DYRK1A: variants seen among roughly 807,000 people sequenced by gnomAD.
DYRK1A encodes dual specificity tyrosine phosphorylation regulated kinase 1A.
Under a neutral mutation model 79.7 loss-of-function variants are expected in DYRK1A, and 9 were observed. The ratio of observed to expected loss-of-function variants is 0.11; its 90% CI spans 0.07 to 0.20. The LOEUF (loss-of-function observed/expected upper bound fraction) is 0.20, where lower values mean the gene tolerates loss of function less well. Ranked by LOEUF, DYRK1A falls within the 10% of genes least tolerant of loss-of-function variation. DYRK1A has a pLI of 1.00. For synonymous variants in DYRK1A, 349 were observed against 329.7 expected (o/e 1.06, Z -0.63); for missense variants, 622 against 956.0 (o/e 0.65, Z 4.61).
At chr21:37,403,009 C>T (rs1055224387) in intron 1 of DYRK1A, among the ~76,000 whole-genome samples, 8 of 151,878 alleles carry the variant, frequency 5.3e-5, no homozygotes, top group African/African-American at 1.7e-4. Context: ...GGTGATCTGC[C>T]CCCCCTCAGC....
intron 11 of DYRK1A, 43 bp from the exon 12 acceptor site, chr21:37,511,868 A>T: frequency 6.3e-7 from 1 of 1,584,466 alleles, no homozygotes; most frequent in Non-Finnish European, 8.6e-7. Flanking sequence ...TAAAGCTTGG[A>T]AACAGTCCTC....
intron 3 of DYRK1A, 67 bp from the exon 4 acceptor site, chr21:37,478,141 A>G (rs1244576221): frequency 6.2e-7 from 1 of 1,602,204 alleles, no homozygotes. Flanking sequence ...GGGAATTTAT[A>G]TCTTATAGTT....
chr21:37,524,142 A>G lies in DYRK1A; in HGVS notation c.*11611A>G, dbSNP rs572730413. ...CATGGTAGCTGTCCTAAGGAACACA[A>G]TACAACCAGGTGCAGTGGCTCATGC... On this transcript the variant is annotated 3_prime_UTR_variant, in exon 12 of 12. Transcript: ENST00000647188. 1.4e-4 allele frequency: 22 copies of G among 152,232 alleles called. No individual in the cohort carries two copies. The highest frequency in any genetic ancestry group is 3.4e-4 in the African/African-American group (14 of 41,466). 9.4% of individuals were successfully genotyped at this position (152,232 alleles called of 1,614,324 possible). A position where few individuals can be genotyped will look rare whatever the true frequency, so the allele number is the denominator to read the frequency against.
chr21:37,504,932 G>A lies in DYRK1A; in HGVS notation c.1213-351G>A, dbSNP rs372351405. ...GAGAGAAAATGCTTTTAGCCTTGTG[G>A]ACCTCTGTTGCATATTTTTTGTTTT... On this transcript the variant is annotated intron_variant, in intron 9 of 11. Transcript: ENST00000647188. 6 of 196,380 alleles carry A rather than the reference G, an allele frequency of 3.1e-5. No individual in the cohort carries two copies. The South Asian group carries it at 6.4e-4, about 21-fold the overall frequency. 12.2% of individuals were successfully genotyped at this position (196,380 alleles called of 1,614,324 possible).
intron 2 of DYRK1A, among the ~76,000 whole-genome samples, chr21:37,430,884 C>T (rs909158271): frequency 2.0e-5 from 3 of 152,138 alleles, no homozygotes; most frequent in Admixed American, 6.5e-5. Flanking sequence ...GCTGATCATG[C>T]GGCAGATAGT....
chr21:37,476,798 A>G (rs1420151926), intron 3 of DYRK1A, among the ~76,000 whole-genome samples: 3 of 144,936 alleles, frequency 2.1e-5, no homozygotes, highest in Non-Finnish European at 3.0e-5. Flanking sequence ...TGTCAGACAA[A>G]TAGTATAATC....
intron 1 of DYRK1A, 178 bp from the exon 2 acceptor site, chr21:37,420,121 G>A (rs918606584): frequency 3.3e-5 from 10 of 299,510 alleles, no homozygotes; most frequent in African/African-American, 2.0e-4. Context: ...ATATATAGTT[G>A]ATTTTGATTA....
intron 2 of DYRK1A, among the ~76,000 whole-genome samples, chr21:37,457,021 C>G (rs1441236284): frequency 1.2e-5 from 1 of 85,338 alleles, no homozygotes; most frequent in Admixed American, 1.1e-4. Flanking sequence ...AATTTACTTA[C>G]TTACTTACTT....
At position 37,525,925 on chromosome 21, in the gene DYRK1A, T is replaced by C. The variant is rs1385754623; in HGVS notation, c.*13394T>C. ...CACCGTTACTAAACACTGAATAGTT[T>C]TGGAAATTCACTTTTGCTGCAGACT... On this transcript the variant is annotated 3_prime_UTR_variant, in exon 12 of 12. Transcript: ENST00000647188. The C allele has an allele frequency of 6.6e-6, 1 of 152,224 alleles. No individual in the cohort carries two copies. The highest frequency in any genetic ancestry group is 1.5e-5 in the Non-Finnish European group (1 of 68,036). 9.4% of individuals were successfully genotyped at this position (152,224 alleles called of 1,614,324 possible).
At chr21:37,505,992 T>A in intron 10 of DYRK1A, 107 bp from the exon 11 acceptor site, 1 of 1,290,514 alleles carries the variant, frequency 7.7e-7, no homozygotes, top group East Asian at 2.5e-5. Context: ...ATTTTGTATG[T>A]GTGTGTGTGA....
At chr21:37,407,993 C>T (rs568637301) in intron 1 of DYRK1A, among the ~76,000 whole-genome samples, 110 of 144,766 alleles carry the variant, frequency 7.6e-4, no homozygotes, top group South Asian at 1.6e-3. Context: ...TGTGTTAACA[C>T]AATGAATGCT....
At chr21:37,381,129 A>C (rs1018064438) in intron 1 of DYRK1A, among the ~76,000 whole-genome samples, 7 of 152,204 alleles carry the variant, frequency 4.6e-5, no homozygotes, top group African/African-American at 1.7e-4. Context: ...GGCACATAGT[A>C]AACACTAAAT....
At chr21:37,474,516 G>A (rs1437855063) in intron 3 of DYRK1A, among the ~76,000 whole-genome samples, 4 of 152,118 alleles carry the variant, frequency 2.6e-5, no homozygotes, top group African/African-American at 9.7e-5. Flanking sequence ...TGTAGGCTGC[G>A]TATTAAGTGG....
At position 37,472,886 on chromosome 21, in the gene DYRK1A, TTCATGGAGTA is replaced by T; in HGVS notation, c.207+10_207+19del. On this transcript the variant is annotated splice_region_variant and intron_variant, in intron 3 of 11. Transcript: ENST00000647188. ...AGCAACCTCTAACTAACCAGGTAAG[TTCATGGAGTA>T]TCAGAAATGACTATTGGAATGGCAG... 6.5e-7 allele frequency: 1 copy of T among 1,529,350 alleles called. No homozygotes were observed. Among genetic ancestry groups the T allele is most frequent in the Non-Finnish European group, 8.9e-7 (1 of 1,125,764 alleles). The allele number at this position is 1,529,350 out of a possible 1,614,324, so 94.7% of individuals were successfully genotyped here.
At chr21:37,375,872 G>C (rs968108605) in intron 1 of DYRK1A, among the ~76,000 whole-genome samples, 1 of 151,948 alleles carries the variant, frequency 6.6e-6, no homozygotes, top group African/African-American at 2.4e-5. Flanking sequence ...ATTATTATTA[G>C]ATCTAGCCTG....
At chr21:37,369,051 T>G (rs562660105) in intron 1 of DYRK1A, among the ~76,000 whole-genome samples, 126 of 152,332 alleles carry the variant, frequency 8.3e-4, no homozygotes, top group African/African-American at 2.3e-3. Flanking sequence ...CTTCAAACAA[T>G]TTTGATTATA....
intron 1 of DYRK1A, among the ~76,000 whole-genome samples, chr21:37,377,265 C>T (rs1273717424): frequency 1.3e-5 from 2 of 151,926 alleles, no homozygotes; most frequent in African/African-American, 4.8e-5. Flanking sequence ...GACTACAGGC[C>T]CCTGCCACCA....
intron 1 of DYRK1A, among the ~76,000 whole-genome samples, chr21:37,377,140 G>A (rs562403369): frequency 6.6e-6 from 1 of 152,276 alleles, no homozygotes; most frequent in South Asian, 2.1e-4. Context: ...TAGTTTTTGA[G>A]ACGGAGTCTC....
At chr21:37,425,439 A>G (rs1602465794) in intron 2 of DYRK1A, among the ~76,000 whole-genome samples, 1 of 152,192 alleles carries the variant, frequency 6.6e-6, no homozygotes, top group Non-Finnish European at 1.5e-5. Context: ...TAATGATTAC[A>G]TTATGTATGT....
Sources: gnomAD v4.1 joint callset for allele counts (sites outside exome capture counted in the v4.1 genomes callset) on GRCh38, gnomAD v4.1.1 for gene constraint, MANE v1.5 for transcripts, NCBI Gene and HGNC (gene_info 2026-07-23, HGNC 2026-07-21) for gene names.